MYO1E: variants seen among roughly 807,000 people sequenced by gnomAD.
MYO1E encodes the protein unconventional myosin-Ie.
Under a neutral mutation model 151.1 loss-of-function variants are expected in MYO1E, and 68 were observed. The observed-to-expected ratio is 0.45, with a 90% confidence interval of 0.37 to 0.55. The LOEUF is 0.55. Among genes scored for constraint, MYO1E ranks in the 20% least tolerant of loss-of-function variants. The pLI is 0.00. For synonymous variants in MYO1E, 601 were observed against 501.7 expected, an observed-to-expected ratio of 1.20 and a Z score of -2.64; for missense variants, 1,363 against 1,389.3, an observed-to-expected ratio of 0.98 and a Z score of 0.30.
At chr15:59,356,574 C>T (rs1185657755) in intron 1 of MYO1E, among the ~76,000 whole-genome samples, 2 of 152,138 alleles carry the variant, frequency 1.3e-5, no homozygotes, top group African/African-American at 2.4e-5. Context: ...GAAATACAAA[C>T]ATTTTTCCCA....
intron 2 of MYO1E, among the ~76,000 whole-genome samples, chr15:59,267,151 G>A (rs900802828): frequency 2.7e-5 from 4 of 146,526 alleles, no homozygotes; most frequent in Non-Finnish European, 4.5e-5. Flanking sequence ...TCAGCCTCCC[G>A]AGTAGCCGGG....
At chr15:59,182,125 T>G (rs1354551520) in intron 18 of MYO1E, among the ~76,000 whole-genome samples, 4 of 152,248 alleles carry the variant, frequency 2.6e-5, no homozygotes, top group Non-Finnish European at 4.4e-5. Context: ...AATAACAGTT[T>G]TGAAATATAG....
At chr15:59,362,527 G>T (rs1269122495) in intron 1 of MYO1E, among the ~76,000 whole-genome samples, 1 of 152,202 alleles carries the variant, frequency 6.6e-6, no homozygotes, top group East Asian at 1.9e-4. Context: ...ATCTGATGTG[G>T]AGAAAGGGCA....
At chr15:59,227,380 G>C in intron 7 of MYO1E, 79 bp downstream of exon 7, 1 of 1,565,742 alleles carries the variant, frequency 6.4e-7, no homozygotes, top group Non-Finnish European at 8.8e-7. Context: ...CTAGACTATA[G>C]TCTATGCCTG....
chr15:59,208,450 A>G, intron 14 of MYO1E: 1 of 613,466 alleles, frequency 1.6e-6, no homozygotes, highest in African/African-American at 1.9e-5. Flanking sequence ...ACCTATGTTC[A>G]TTTATATGCT....
intron 26 of MYO1E, 29 bp downstream of exon 26, chr15:59,153,561 G>C (rs1162848868): frequency 1.2e-6 from 2 of 1,607,808 alleles, no homozygotes; most frequent in Non-Finnish European, 1.7e-6. Context: ...GAGCTTGCCG[G>C]CTTCATCCAG....
At chr15:59,266,046 G>T (rs2080251535) in intron 2 of MYO1E, among the ~76,000 whole-genome samples, 1 of 152,124 alleles carries the variant, frequency 6.6e-6, no homozygotes, top group South Asian at 2.1e-4. Context: ...TTGATTTAAA[G>T]AAAATAAACA....
At chr15:59,160,813 T>C (rs559456540) in intron 24 of MYO1E, among the ~76,000 whole-genome samples, 2 of 152,144 alleles carry the variant, frequency 1.3e-5, no homozygotes, top group Admixed American at 6.5e-5. Context: ...CTAACAAACT[T>C]TGATTTGTTT....
intron 1 of MYO1E, among the ~76,000 whole-genome samples, chr15:59,360,988 C>T (rs569745062): frequency 4.9e-4 from 74 of 152,332 alleles, no homozygotes; most frequent in African/African-American, 1.6e-3. Flanking sequence ...GCAAGCATGA[C>T]GCAAGCAAGG....
At chr15:59,321,322 C>T (rs992425443) in intron 1 of MYO1E, among the ~76,000 whole-genome samples, 1 of 152,200 alleles carries the variant, frequency 6.6e-6, no homozygotes, top group Non-Finnish European at 1.5e-5. Flanking sequence ...TCAGCAATCC[C>T]ATTACTGGGT....
rs753069306 is a variant in MYO1E, at chr15:59,207,722, A to G, written c.1530+959T>C. 22 of 1,614,082 alleles carry G rather than the reference A, an allele frequency of 1.4e-5. No individual in the cohort carries two copies. The highest frequency in any genetic ancestry group is 5.0e-5 in the Admixed American group (3 of 60,000). ...GTGAACATAGCTGGTGTCCCTTTGA[A>G]GGATCTGAACTCTGATATAGGAACT... On this transcript the variant is annotated intron_variant, in intron 14 of 27. Transcript: ENST00000288235.
intron 12 of MYO1E, chr15:59,212,574 C>G (rs1327536149): frequency 1.3e-5 from 2 of 152,128 alleles, no homozygotes; most frequent in African/African-American, 2.4e-5. Flanking sequence ...AATAAGTCAT[C>G]CTGGGTTTAG....
intron 4 of MYO1E, among the ~76,000 whole-genome samples, chr15:59,237,313 G>A (rs1270182913): frequency 6.6e-6 from 1 of 152,158 alleles, no homozygotes; most frequent in African/African-American, 2.4e-5. Context: ...CCTTATTTTA[G>A]AAGTTCTAAA....
At chr15:59,182,291 C>T (rs1013793056) in intron 18 of MYO1E, among the ~76,000 whole-genome samples, 1 of 152,142 alleles carries the variant, frequency 6.6e-6, no homozygotes, top group Non-Finnish European at 1.5e-5. Context: ...TGGTTCACTG[C>T]AACCTGCGCC....
At chr15:59,225,868 G>C (rs886761664) in intron 7 of MYO1E, among the ~76,000 whole-genome samples, 7 of 152,026 alleles carry the variant, frequency 4.6e-5, no homozygotes, top group African/African-American at 1.4e-4. Context: ...GGATGGTCTC[G>C]ATCTCCTGAC....
chr15:59,188,635 G>T (rs1476248782), intron 17 of MYO1E, among the ~76,000 whole-genome samples: 1 of 152,186 alleles, frequency 6.6e-6, no homozygotes, highest in African/African-American at 2.4e-5. Flanking sequence ...GGCAGAGGCT[G>T]CAGTGAGCTG....
intron 12 of MYO1E, chr15:59,212,845 G>A (rs1596368286): frequency 6.6e-6 from 1 of 152,152 alleles, no homozygotes; most frequent in Admixed American, 6.5e-5. Context: ...GAGGGACATT[G>A]AAAAAGGCTA....
chr15:59,265,834 G>T (rs1279315147), intron 2 of MYO1E, among the ~76,000 whole-genome samples: 1 of 150,542 alleles, frequency 6.6e-6, no homozygotes, highest in Non-Finnish European at 1.5e-5. Context: ...AGGCATGGTG[G>T]TCTTCACATG....
intron 22 of MYO1E, among the ~76,000 whole-genome samples, chr15:59,168,472 G>A (rs1206274078): frequency 6.6e-6 from 1 of 152,018 alleles, no homozygotes; most frequent in East Asian, 1.9e-4. Flanking sequence ...CTTGAACCTG[G>A]AGGGCGAGGC....
Sources: allele counts gnomAD v4.1 joint callset (sites outside exome capture counted in the v4.1 genomes callset), GRCh38; gene constraint gnomAD v4.1.1; transcripts MANE v1.5; gene names NCBI Gene and HGNC (gene_info 2026-07-23, HGNC 2026-07-21).